Variants in PCDHA10 observed in about 807,000 individuals in gnomAD.
The protein encoded by PCDHA10 is protocadherin alpha 10.
In PCDHA10, 45 loss-of-function variants were observed where a neutral mutation model predicts 61.2. The observed-to-expected ratio is 0.74, with a 90% CI of 0.58 to 0.94. PCDHA10 has a LOEUF of 0.94. Among genes scored for constraint, PCDHA10 ranks in the 40% least tolerant of loss-of-function variants. PCDHA10 has a pLI of 0.00. For missense variants in PCDHA10, 1,278 were observed against 1,236.2 expected (o/e 1.03, Z -0.51); for synonymous variants, 602 against 548.8 (o/e 1.10, Z -1.35).
intron 1 of PCDHA10, among the ~76,000 whole-genome samples, chr5:140,895,223 G>A (rs782692616): frequency 4.0e-4 from 61 of 152,232 alleles, no homozygotes; most frequent in Admixed American, 2.6e-4. Flanking sequence ...ATATTTTACT[G>A]AGTTTTCTCA....
At chr5:140,967,198 C>T (rs2096112626) in intron 1 of PCDHA10, 9 of 1,613,662 alleles carry the variant, frequency 5.6e-6, no homozygotes, top group South Asian at 1.1e-5. Flanking sequence ...TCAACGACAA[C>T]TCACCGCGTT....
intron 3 of PCDHA10, among the ~76,000 whole-genome samples, chr5:140,988,499 C>CTT (rs2097300398): frequency 6.6e-6 from 1 of 152,138 alleles, no homozygotes; most frequent in Non-Finnish European, 1.5e-5. Context: ...CTAGGAGAAG[C>CTT]CATGAAGCTT....
chr5:140,970,019 A>G (rs1385793747), intron 1 of PCDHA10, among the ~76,000 whole-genome samples: 2 of 152,212 alleles, frequency 1.3e-5, no homozygotes, highest in Non-Finnish European at 2.9e-5. Context: ...ATGGTGAGGC[A>G]GAGAGATTAA....
At chr5:140,880,684 A>G (rs903335932) in intron 1 of PCDHA10, among the ~76,000 whole-genome samples, 27 of 152,226 alleles carry the variant, frequency 1.8e-4, no homozygotes, top group Admixed American at 1.2e-3. Flanking sequence ...TGAAGAGAAT[A>G]GTCATGGTTA....
chr5:140,940,509 C>T lies in PCDHA10; in HGVS notation c.2389-38440C>T, dbSNP rs556405860. ...GACAAGTCTTGCTCCGTCGCTCAGG[C>T]GTGATCATAGCTCACTGCAATCTTG... On this transcript the variant is annotated intron_variant, in intron 1 of 3. Coordinates refer to ENST00000307360, the MANE Select transcript of PCDHA10 (RefSeq NM_018901.4). 2.0e-5 allele frequency among the ~76,000 whole-genome samples: 3 copies of T among 152,086 alleles called. No individual in the cohort carries two copies. In the South Asian group the frequency reaches 6.2e-4, roughly 32 times the overall value.
chr5:140,884,021 G>C, intron 1 of PCDHA10: 1 of 1,613,318 alleles, frequency 6.2e-7, no homozygotes, highest in Non-Finnish European at 8.5e-7. Flanking sequence ...GCCGCGGTCG[G>C]TGGGTGCAGG....
At chr5:140,983,904 C>T (rs1227752084) in intron 3 of PCDHA10, among the ~76,000 whole-genome samples, 2 of 152,164 alleles carry the variant, frequency 1.3e-5, no homozygotes, top group African/African-American at 4.8e-5. Context: ...TTCGTTGATT[C>T]TAATCAGCCA....
rs147351924 is a variant in PCDHA10, at chr5:141,009,782, C to T, written c.2692C>T (p.Arg898Trp). 27 of 1,613,956 alleles carry T rather than the reference C, an allele frequency of 1.7e-5. No homozygotes were observed. The highest frequency in any genetic ancestry group is 9.9e-5 in the South Asian group (9 of 91,070). ...AGGATCTCCTGCAATCATCTCCATCCGGCAGGAGCCTACTAACAGCCAAAT... is the reference window on the plus strand; with the variant it reads ...AGGATCTCCTGCAATCATCTCCATCTGGCAGGAGCCTACTAACAGCCAAAT... ...IPGSPAIISI[R>W]QEPTNSQIDK... is the part of the protein sequence containing the mutation. The change falls in exon 4 of 4, where the codon CGG becomes TGG. Residue 898 changes from arginine (R) to tryptophan (W), a missense_variant. Coordinates refer to ENST00000307360, the MANE Select transcript of PCDHA10 (RefSeq NM_018901.4).
chr5:140,863,393 C>T (rs782189753), intron 1 of PCDHA10: 2 of 924,736 alleles, frequency 2.2e-6, no homozygotes, highest in African/African-American at 1.7e-5. Context: ...TCGTGCATGC[C>T]GGGCAAGCCC....
At position 140,857,560 on chromosome 5, in the gene PCDHA10, G is replaced by C; in HGVS notation, c.1512G>C (p.Ser504=). The change falls in exon 1 of 4, where the codon TCG becomes TCC. Residue 504 remains serine, a synonymous_variant. Coordinates refer to ENST00000307360, the MANE Select transcript of PCDHA10 (RefSeq NM_018901.4). The part of the protein sequence containing the change: ...VERRLGERSL[S]SYVSVHAESG... ...GGCGGTTGGGCGAGCGCTCGCTGTC[G>C]AGCTACGTGTCGGTGCACGCGGAGA... 1 of 1,596,914 alleles carries C rather than the reference G, an allele frequency of 6.3e-7. No individual in the cohort carries two copies. The highest frequency in any genetic ancestry group is 8.6e-7 in the Non-Finnish European group (1 of 1,167,684).
rs76093196 is a variant in PCDHA10, at chr5:140,971,173, C to G, written c.2389-7776C>G. Reference sequence around the variant, plus strand: ...AGGCCAGGCTCAGCTTTGCCACCAGCTGTAAGCCGGAAGCTCAGAGGAAAG... The same window carrying G: ...AGGCCAGGCTCAGCTTTGCCACCAGGTGTAAGCCGGAAGCTCAGAGGAAAG... On this transcript the variant is annotated intron_variant, in intron 1 of 3. Transcript: ENST00000307360. Among the ~76,000 whole-genome samples the G allele has an allele frequency of 3.8e-3, 583 of 152,260 alleles. 1 individual carries two copies. Among genetic ancestry groups the G allele is most frequent in the Non-Finnish European group, 7.2e-3 (492 of 68,018 alleles).
intron 1 of PCDHA10, among the ~76,000 whole-genome samples, chr5:140,937,334 G>T (rs1459343291): frequency 3.3e-5 from 5 of 152,092 alleles, no homozygotes; most frequent in African/African-American, 1.2e-4. Flanking sequence ...ACCGCGCCCG[G>T]CTTCTTCCAT....
At chr5:140,918,515 T>C (rs1000500676) in intron 1 of PCDHA10, among the ~76,000 whole-genome samples, 1 of 152,224 alleles carries the variant, frequency 6.6e-6, no homozygotes, top group African/African-American at 2.4e-5. Flanking sequence ...TTTAAACTTA[T>C]TGAGGATTGT....
intron 1 of PCDHA10, among the ~76,000 whole-genome samples, chr5:140,924,902 AAAATAAAATAAAAT>A (rs1442290811): frequency 5.1e-5 from 2 of 39,026 alleles, no homozygotes; most frequent in East Asian, 1.3e-3. Flanking sequence ...CTCAAAAAAA[AAAATAAAATAAAAT>A]AAAATAAAAT....
chr5:140,954,120 C>G (rs246026), intron 1 of PCDHA10, among the ~76,000 whole-genome samples: 85,718 of 152,076 alleles, frequency 0.56, 24,786 homozygotes, highest in African/African-American at 0.69. Flanking sequence ...GATCTTGTTC[C>G]TTTTTATGGA....
intron 3 of PCDHA10, among the ~76,000 whole-genome samples, chr5:140,985,728 C>G (rs2097165709): frequency 6.7e-6 from 1 of 148,846 alleles, no homozygotes; most frequent in Admixed American, 6.8e-5. Flanking sequence ...TTTTCCTTCA[C>G]TGATGAATTC....
At chr5:140,912,882 T>A (rs2153523481) in intron 1 of PCDHA10, among the ~76,000 whole-genome samples, 1 of 152,362 alleles carries the variant, frequency 6.6e-6, no homozygotes, top group South Asian at 2.1e-4. Context: ...TTGGTCTTCA[T>A]TCTGTTGATA....
intron 1 of PCDHA10, chr5:140,871,112 A>C (rs1554165130): frequency 1.2e-6 from 2 of 1,613,172 alleles, no homozygotes; most frequent in Non-Finnish European, 1.7e-6. Context: ...TCGTTGGTGG[A>C]GAGCGGACAG....
chr5:140,898,560 G>T lies in PCDHA10; in HGVS notation c.2388+40124G>T, dbSNP rs185604146. On this transcript the variant is annotated intron_variant, in intron 1 of 3. Coordinates refer to ENST00000307360, the MANE Select transcript of PCDHA10 (RefSeq NM_018901.4). ...TTCCATTTATCTATGTCTCTGTTTT[G>T]GTACCAGTGCCATGCTGTTTTGGTT... Among the ~76,000 whole-genome samples the T allele has an allele frequency of 5.1e-3, 775 of 152,210 alleles. 4 individuals carry two copies. The highest frequency in any genetic ancestry group is 8.5e-3 in the Non-Finnish European group (578 of 68,016).
Sources: allele counts gnomAD v4.1 joint callset (sites outside exome capture counted in the v4.1 genomes callset), GRCh38; gene constraint gnomAD v4.1.1; transcripts MANE v1.5; gene names NCBI Gene and HGNC (gene_info 2026-07-23, HGNC 2026-07-21).